Variants in PTPRM observed in about 807,000 individuals in gnomAD.
PTPRM encodes the protein protein tyrosine phosphatase receptor type M.
PTPRM carries 47 observed loss-of-function variants against 186.7 expected under a neutral mutation model. The observed-to-expected ratio is 0.25, with a 90% CI of 0.20 to 0.32. The LOEUF is 0.32. Among genes scored for constraint, PTPRM ranks in the 10% least tolerant of loss-of-function variants. The pLI is 1.00. For synonymous variants in PTPRM, 668 were observed against 674.9 expected (o/e 0.99, Z 0.16); for missense variants, 1,494 against 1,865.0 (o/e 0.80, Z 3.66).
At chr18:7,721,431 TTTG>T (rs1325496589) in intron 1 of PTPRM, among the ~76,000 whole-genome samples, 2 of 152,188 alleles carry the variant, frequency 1.3e-5, no homozygotes, top group African/African-American at 2.4e-5. Context: ...GCCTTTTCAC[TTTG>T]TTGATTGTGA....
intron 1 of PTPRM, among the ~76,000 whole-genome samples, chr18:7,569,768 G>T (rs2036524285): frequency 1.3e-5 from 2 of 152,198 alleles, no homozygotes; most frequent in African/African-American, 4.8e-5. Flanking sequence ...TAAATGATCA[G>T]TCAAGCCAAA....
intron 1 of PTPRM, among the ~76,000 whole-genome samples, chr18:7,768,873 C>T (rs1043076000): frequency 6.6e-6 from 1 of 151,908 alleles, no homozygotes; most frequent in Non-Finnish European, 1.5e-5. Context: ...CTTGAATTCC[C>T]GATCTCAGGT....
At chr18:7,620,053 C>T (rs1308019151) in intron 1 of PTPRM, among the ~76,000 whole-genome samples, 2 of 152,176 alleles carry the variant, frequency 1.3e-5, no homozygotes, top group East Asian at 3.9e-4. Context: ...TAGCCTGCCC[C>T]GATGCATACA....
chr18:7,979,153 C>A (rs2147411112), intron 7 of PTPRM, among the ~76,000 whole-genome samples: 1 of 152,242 alleles, frequency 6.6e-6, no homozygotes, highest in South Asian at 2.1e-4. Context: ...CTATGTCCAG[C>A]CAACTGAGGA....
At chr18:8,112,043 G>GT (rs1314962105) in intron 11 of PTPRM, among the ~76,000 whole-genome samples, 1 of 152,148 alleles carries the variant, frequency 6.6e-6, no homozygotes, top group Non-Finnish European at 1.5e-5. Context: ...CTGTATGAAT[G>GT]ATCCACTAAT....
chr18:7,933,493 G>A (rs1183754918), intron 5 of PTPRM, among the ~76,000 whole-genome samples: 1 of 152,208 alleles, frequency 6.6e-6, no homozygotes, highest in Non-Finnish European at 1.5e-5. Flanking sequence ...CATGACAGAA[G>A]CTATCCATGG....
At chr18:7,648,066 C>G (rs2144245304) in intron 1 of PTPRM, among the ~76,000 whole-genome samples, 1 of 152,072 alleles carries the variant, frequency 6.6e-6, no homozygotes, top group Non-Finnish European at 1.5e-5. Flanking sequence ...GAAAATAGGC[C>G]CACTTTGTAT....
intron 1 of PTPRM, among the ~76,000 whole-genome samples, chr18:7,666,379 A>G (rs184370031): frequency 7.3e-4 from 111 of 152,300 alleles, no homozygotes; most frequent in African/African-American, 2.5e-3. Context: ...ACTCCTGTCC[A>G]TGTTACTCCC....
chr18:7,597,827 G>A (rs977968387), intron 1 of PTPRM, among the ~76,000 whole-genome samples: 1 of 152,136 alleles, frequency 6.6e-6, no homozygotes, highest in African/African-American at 2.4e-5. Context: ...TTGAAAGAGA[G>A]TACAAATTTG....
intron 14 of PTPRM, among the ~76,000 whole-genome samples, chr18:8,151,552 A>G (rs2093006772): frequency 6.8e-6 from 1 of 146,522 alleles, no homozygotes; most frequent in Non-Finnish European, 1.5e-5. Flanking sequence ...AAGAATTTCA[A>G]GCCAATGGAT....
intron 13 of PTPRM, among the ~76,000 whole-genome samples, chr18:8,129,348 A>G (rs1175145409): frequency 1.3e-5 from 2 of 152,216 alleles, no homozygotes; most frequent in Non-Finnish European, 2.9e-5. Flanking sequence ...CTAGTTCTTT[A>G]TCTTTACTCT....
At chr18:8,326,094 G>A (rs1355097189) in intron 22 of PTPRM, among the ~76,000 whole-genome samples, 1 of 152,182 alleles carries the variant, frequency 6.6e-6, no homozygotes, top group Non-Finnish European at 1.5e-5. Flanking sequence ...TGGATGCATA[G>A]TTTGAAAATG....
chr18:8,347,905 G>A (rs1404354119), intron 23 of PTPRM, among the ~76,000 whole-genome samples: 1 of 152,216 alleles, frequency 6.6e-6, no homozygotes, highest in Admixed American at 6.5e-5. Flanking sequence ...GGATGGGCCT[G>A]ACTTTAGTAA....
intron 3 of PTPRM, among the ~76,000 whole-genome samples, chr18:7,904,268 A>G (rs2049859860): frequency 6.6e-6 from 1 of 152,196 alleles, no homozygotes; most frequent in African/African-American, 2.4e-5. Context: ...TGCCTTCTGT[A>G]CAATTGTACA....
chr18:8,009,020 T>C (rs2084359332), intron 7 of PTPRM, among the ~76,000 whole-genome samples: 1 of 152,162 alleles, frequency 6.6e-6, no homozygotes, highest in African/African-American at 2.4e-5. Flanking sequence ...GCTGTAGTTA[T>C]CGGTGGCCAC....
At chr18:8,308,025 C>CT (rs1427237970) in intron 20 of PTPRM, among the ~76,000 whole-genome samples, 5 of 152,090 alleles carry the variant, frequency 3.3e-5, no homozygotes, top group Admixed American at 6.6e-5. Flanking sequence ...AAAAATTAGA[C>CT]TTTTTTTATT....
At chr18:7,631,449 C>CTG (rs1213159459) in intron 1 of PTPRM, among the ~76,000 whole-genome samples, 4 of 131,466 alleles carry the variant, frequency 3.0e-5, no homozygotes, top group African/African-American at 1.5e-4. Flanking sequence ...AACTACAAGG[C>CTG]TGTTTTTTTT....
At chr18:8,246,853 T>C (rs929938054) in intron 15 of PTPRM, among the ~76,000 whole-genome samples, 9 of 152,198 alleles carry the variant, frequency 5.9e-5, no homozygotes, top group African/African-American at 2.2e-4. Flanking sequence ...CCTGGAGAGT[T>C]AAAATATATT....
intron 13 of PTPRM, among the ~76,000 whole-genome samples, chr18:8,127,423 T>A (rs1003500123): frequency 4.6e-5 from 7 of 151,446 alleles, no homozygotes; most frequent in Non-Finnish European, 8.8e-5. Flanking sequence ...GTATTGTTTT[T>A]TTTTTTTTTT....
Sources: gnomAD v4.1 joint callset for allele counts (sites outside exome capture counted in the v4.1 genomes callset) on GRCh38, gnomAD v4.1.1 for gene constraint, MANE v1.5 for transcripts, NCBI Gene and HGNC (gene_info 2026-07-23, HGNC 2026-07-21) for gene names.